NPAS3: variants seen among roughly 807,000 people sequenced by gnomAD.
NPAS3 encodes neuronal PAS domain-containing protein 3.
A neutral mutation model predicts 73.1 loss-of-function variants in NPAS3; 14 were observed. The observed-to-expected ratio is 0.19, with a 90% confidence interval of 0.13 to 0.30. The LOEUF is 0.30. NPAS3 is among the 10% of genes least tolerant of loss of function. NPAS3 has a pLI of 1.00. For synonymous variants in NPAS3, 620 were observed against 541.5 expected (o/e 1.14, Z -2.01); for missense variants, 1,096 against 1,250.0 (o/e 0.88, Z 1.86).
intron 4 of NPAS3, among the ~76,000 whole-genome samples, chr14:33,542,452 C>T (rs569024714): frequency 6.6e-6 from 1 of 152,242 alleles, no homozygotes; most frequent in South Asian, 2.1e-4. Flanking sequence ...TGTGTGTTCT[C>T]GTCGCCCCTC....
intron 2 of NPAS3, among the ~76,000 whole-genome samples, chr14:33,210,138 G>A (rs565427063): frequency 8.6e-5 from 13 of 152,040 alleles, no homozygotes; most frequent in Non-Finnish European, 1.8e-4. Context: ...GTGGGGAACC[G>A]AAGTAATCAA....
intron 7 of NPAS3, among the ~76,000 whole-genome samples, chr14:33,743,195 A>G (rs1011232690): frequency 6.6e-6 from 1 of 152,232 alleles, no homozygotes; most frequent in African/African-American, 2.4e-5. Flanking sequence ...CAGAGGAAGC[A>G]CTATCTATGG....
intron 4 of NPAS3, among the ~76,000 whole-genome samples, chr14:33,520,703 C>T (rs550059093): frequency 1.7e-4 from 26 of 152,204 alleles, no homozygotes; most frequent in African/African-American, 5.8e-4. Flanking sequence ...GCCCAGTAAT[C>T]TCTAATAATT....
intron 5 of NPAS3, among the ~76,000 whole-genome samples, chr14:33,588,020 C>T (rs1305452897): frequency 6.6e-6 from 1 of 152,082 alleles, no homozygotes; most frequent in Non-Finnish European, 1.5e-5. Context: ...CTGTCTTAGT[C>T]GAGTGTGTTC....
At chr14:33,062,760 A>G (rs2041154701) in intron 2 of NPAS3, among the ~76,000 whole-genome samples, 1 of 152,246 alleles carries the variant, frequency 6.6e-6, no homozygotes, top group African/African-American at 2.4e-5. Flanking sequence ...AATCGCTAAC[A>G]GGTGGTTTCA....
intron 2 of NPAS3, among the ~76,000 whole-genome samples, chr14:33,204,573 C>T (rs113968648): frequency 6.6e-6 from 1 of 151,918 alleles, no homozygotes; most frequent in South Asian, 2.1e-4. Flanking sequence ...CTGTAGCTGC[C>T]GTCAGGTTTT....
chr14:33,600,877 C>T (rs927451149), intron 5 of NPAS3, among the ~76,000 whole-genome samples: 2 of 152,152 alleles, frequency 1.3e-5, no homozygotes, highest in African/African-American at 4.8e-5. Context: ...GCTGACCTGT[C>T]TGGGAAAAGC....
intron 3 of NPAS3, among the ~76,000 whole-genome samples, chr14:33,255,809 T>C (rs1448349031): frequency 6.6e-6 from 1 of 152,152 alleles, no homozygotes; most frequent in African/African-American, 2.4e-5. Flanking sequence ...ATGGAATTTA[T>C]TGAGGATTGA....
intron 4 of NPAS3, among the ~76,000 whole-genome samples, chr14:33,449,816 G>T (rs888310755): frequency 3.3e-5 from 5 of 152,090 alleles, no homozygotes; most frequent in Non-Finnish European, 5.9e-5. Flanking sequence ...GCTTCATGTT[G>T]TCTTGTAACC....
chr14:33,678,028 T>TTAAG (rs1311055558), intron 6 of NPAS3, among the ~76,000 whole-genome samples: 2 of 152,296 alleles, frequency 1.3e-5, no homozygotes, highest in Non-Finnish European at 2.9e-5. Flanking sequence ...ATGAAAGAAT[T>TTAAG]TAAGTTTCTA....
At chr14:33,609,104 C>T (rs1236423041) in intron 5 of NPAS3, among the ~76,000 whole-genome samples, 8 of 152,138 alleles carry the variant, frequency 5.3e-5, no homozygotes, top group Non-Finnish European at 1.0e-4. Flanking sequence ...CGGCACTGAA[C>T]TTTCCCTGCC....
chr14:33,008,399 A>AT (rs1256919173), intron 1 of NPAS3, among the ~76,000 whole-genome samples: 1 of 152,208 alleles, frequency 6.6e-6, no homozygotes, highest in Non-Finnish European at 1.5e-5. Flanking sequence ...TGTAGGTAAA[A>AT]ATATATATTT....
chr14:33,433,540 C>T (rs532400032), intron 4 of NPAS3, among the ~76,000 whole-genome samples: 6 of 152,316 alleles, frequency 3.9e-5, no homozygotes, highest in Admixed American at 2.0e-4. Flanking sequence ...TTGAAATGGG[C>T]TGCTGGAATG....
chr14:33,373,960 T>G (rs1254413336), intron 4 of NPAS3, among the ~76,000 whole-genome samples: 2 of 152,116 alleles, frequency 1.3e-5, no homozygotes, highest in Non-Finnish European at 2.9e-5. Context: ...AGTGGGGGAA[T>G]GATTGTTTTT....
intron 3 of NPAS3, among the ~76,000 whole-genome samples, chr14:33,335,589 C>G (rs2044188322): frequency 1.3e-5 from 2 of 152,156 alleles, no homozygotes; most frequent in African/African-American, 4.8e-5. Context: ...CCATTAATCC[C>G]CTGGTCAGGG....
chr14:33,115,558 C>T (rs1303130462), intron 2 of NPAS3, among the ~76,000 whole-genome samples: 2 of 152,044 alleles, frequency 1.3e-5, no homozygotes, highest in Admixed American at 6.6e-5. Flanking sequence ...CTGTGTGTGT[C>T]CTAGAAGGTG....
chr14:33,616,523 C>T (rs2057924234), intron 5 of NPAS3, among the ~76,000 whole-genome samples: 1 of 152,116 alleles, frequency 6.6e-6, no homozygotes, highest in African/African-American at 2.4e-5. Flanking sequence ...ATCATACTTT[C>T]CCTGTTCTTC....
intron 4 of NPAS3, among the ~76,000 whole-genome samples, chr14:33,445,517 G>T (rs1157974038): frequency 6.6e-6 from 1 of 152,110 alleles, no homozygotes; most frequent in Non-Finnish European, 1.5e-5. Context: ...AGCCAGATGA[G>T]TGAAATATAA....
At chr14:33,685,947 A>G (rs1303600965) in intron 6 of NPAS3, among the ~76,000 whole-genome samples, 1 of 152,220 alleles carries the variant, frequency 6.6e-6, no homozygotes, top group Non-Finnish European at 1.5e-5. Context: ...AGAGAACAGG[A>G]GAGGTAGATG....
Sources: gnomAD v4.1 joint callset for allele counts (sites outside exome capture counted in the v4.1 genomes callset) on GRCh38, gnomAD v4.1.1 for gene constraint, MANE v1.5 for transcripts, NCBI Gene and HGNC (gene_info 2026-07-23, HGNC 2026-07-21) for gene names.